CNGB1: variants seen among roughly 807,000 people sequenced by gnomAD.
The protein encoded by CNGB1 is cyclic nucleotide-gated channel beta-1.
A neutral mutation model predicts 151.7 loss-of-function variants in CNGB1; 126 were observed. That is an observed-to-expected ratio of 0.83 (90% CI 0.72 to 0.96). CNGB1 has a LOEUF of 0.96. CNGB1 is among the 40% of genes least tolerant of loss of function. The pLI, the probability that CNGB1 is intolerant of heterozygous loss-of-function variation, is 0.00. For missense variants in CNGB1, 1,698 were observed against 1,627.0 expected, an observed-to-expected ratio of 1.04 and a Z score of -0.75; for synonymous variants, 623 against 635.1, an observed-to-expected ratio of 0.98 and a Z score of 0.29.
intron 7 of CNGB1, among the ~76,000 whole-genome samples, chr16:57,961,578 A>C (rs774898670): frequency 6.6e-6 from 1 of 152,202 alleles, no homozygotes; most frequent in African/African-American, 2.4e-5. Context: ...TCAGCTGCAT[A>C]TGTCTCAGAA....
chr16:57,897,569 G>A (rs748288939), intron 30 of CNGB1, 26 bp from the exon 31 acceptor site: 6 of 1,613,436 alleles, frequency 3.7e-6, no homozygotes, highest in Non-Finnish European at 5.1e-6. Flanking sequence ...GAGGAAGGAG[G>A]CCCTTCAGAG....
chr16:57,937,603 G>A lies in CNGB1; in HGVS notation c.1372+1827C>T, dbSNP rs182961951. Among the ~76,000 whole-genome samples the A allele has an allele frequency of 3.4e-3, 510 of 152,236 alleles. 6 individuals are homozygous for A. Among genetic ancestry groups the A allele is most frequent in the African/African-American group, 0.011 (472 of 41,528 alleles). The stretch of plus-strand genomic sequence containing the variant: ...ATGCTCCCTCCACTTACCAACCACC[G>A]GCAGCATTTCCCAAAAATATTAGAA... On this transcript the variant is annotated intron_variant, in intron 16 of 32. Coordinates refer to ENST00000251102, the MANE Select transcript of CNGB1 (RefSeq NM_001297.5).
At chr16:57,887,435 T>C (rs148484405) in intron 32 of CNGB1, among the ~76,000 whole-genome samples, 36 of 152,206 alleles carry the variant, frequency 2.4e-4, no homozygotes, top group African/African-American at 8.4e-4. Context: ...TTCTGTCCAA[T>C]GACAGTGAGT....
At chr16:57,950,569 T>C (rs1961923249) in intron 12 of CNGB1, 29 bp from the exon 13 acceptor site, 2 of 1,613,412 alleles carry the variant, frequency 1.2e-6, no homozygotes, top group African/African-American at 1.3e-5. Flanking sequence ...GAGCCATTTA[T>C]GGGATGTGCG....
chr16:57,964,712 A>G (rs1962347779), intron 2 of CNGB1, among the ~76,000 whole-genome samples, 168 bp from the exon 3 acceptor site: 1 of 151,640 alleles, frequency 6.6e-6, no homozygotes, highest in Admixed American at 6.6e-5. Context: ...CACCTGGGAT[A>G]CTCCCTTCCT....
At chr16:57,914,132 G>A (rs551647918) in intron 23 of CNGB1, among the ~76,000 whole-genome samples, 23 of 152,352 alleles carry the variant, frequency 1.5e-4, no homozygotes, top group East Asian at 1.9e-4. Context: ...CACTTAAAGA[G>A]TTTTGTCCAC....
intron 10 of CNGB1, among the ~76,000 whole-genome samples, chr16:57,959,365 G>A (rs1363461639): frequency 6.6e-6 from 1 of 151,682 alleles, no homozygotes; most frequent in Non-Finnish European, 1.5e-5. Flanking sequence ...TATAATCCTG[G>A]CACTTTGAGA....
chr16:57,954,843 G>A, intron 12 of CNGB1: 1 of 994,174 alleles, frequency 1.0e-6, no homozygotes, highest in Non-Finnish European at 1.2e-6. Flanking sequence ...CACACTGGGG[G>A]CTGTGCACGC....
chr16:57,884,383 G>A lies in CNGB1; in HGVS notation c.3537C>T (p.Ala1179=). 1 of 1,612,510 alleles carries A rather than the reference G, an allele frequency of 6.2e-7. No individual in the cohort carries two copies. The highest frequency in any genetic ancestry group is 8.5e-7 in the Non-Finnish European group (1 of 1,179,534). The change falls in exon 33 of 33, where the codon GCC becomes GCT. Residue 1179 remains alanine, a synonymous_variant. Coordinates refer to ENST00000251102, the MANE Select transcript of CNGB1 (RefSeq NM_001297.5). ...APDQHTHPKE[A]ATDPPAPRTP... is the part of the protein sequence containing the mutation. ...TCCGGGGCGCGGGTGGGTCGGTGGC[G>A]GCCTCCTTTGGGTGCGTGTGCTGGT...
At chr16:57,888,807 A>G (rs1052886736) in intron 31 of CNGB1, among the ~76,000 whole-genome samples, 3 of 152,050 alleles carry the variant, frequency 2.0e-5, no homozygotes, top group Non-Finnish European at 2.9e-5. Flanking sequence ...ACACTTTCAC[A>G]TAGGGAATTG....
chr16:57,913,026 A>ACCGG (rs2149362771), intron 23 of CNGB1, 32 bp from the exon 24 acceptor site: 1 of 1,609,404 alleles, frequency 6.2e-7, no homozygotes, highest in East Asian at 2.2e-5. Context: ...AGAGCAGCCC[A>ACCGG]CCGGCCATAG....
At chr16:57,917,947 T>C (rs1397972133) in intron 20 of CNGB1, among the ~76,000 whole-genome samples, 1 of 151,978 alleles carries the variant, frequency 6.6e-6, no homozygotes, top group African/African-American at 2.4e-5. Context: ...CTTCTTTAAT[T>C]TTTTCCCAAA....
chr16:57,934,283 C>CA (rs1355361198), intron 16 of CNGB1, among the ~76,000 whole-genome samples: 9 of 151,862 alleles, frequency 5.9e-5, no homozygotes, highest in African/African-American at 2.2e-4. Flanking sequence ...CCCACCTCTA[C>CA]AAAAAAATTC....
At chr16:57,917,679 G>C (rs1348949588) in intron 20 of CNGB1, among the ~76,000 whole-genome samples, 2 of 151,140 alleles carry the variant, frequency 1.3e-5, no homozygotes, top group African/African-American at 4.9e-5. Flanking sequence ...TCTGCTTTAG[G>C]AGCCAGGCAC....
Position 57,922,189 on chromosome 16 carries a change from A to T in CNGB1, c.1643+1084T>A, listed in dbSNP as rs549946381. Among the ~76,000 whole-genome samples, 3 of 152,278 alleles carry T rather than the reference A, an allele frequency of 2.0e-5. No homozygotes were observed. In the South Asian group the frequency reaches 6.2e-4, roughly 32 times the overall value. On this transcript the variant is annotated intron_variant, in intron 18 of 32. Coordinates refer to ENST00000251102, the MANE Select transcript of CNGB1 (RefSeq NM_001297.5). ...ACTGCATAAAATTGTGGATAGAAAA[A>T]AAGACTGGAAGGAAGAAGGAAAGCC... is the stretch of plus-strand genomic sequence containing the variant.
At chr16:57,934,590 G>A (rs1247800505) in intron 16 of CNGB1, among the ~76,000 whole-genome samples, 1 of 152,152 alleles carries the variant, frequency 6.6e-6, no homozygotes, top group Non-Finnish European at 1.5e-5. Flanking sequence ...CAAGTGTGGG[G>A]CTCCCAGAGA....
intron 12 of CNGB1, among the ~76,000 whole-genome samples, chr16:57,952,625 C>T (rs1472629260): frequency 1.3e-5 from 2 of 150,932 alleles, no homozygotes; most frequent in South Asian, 2.1e-4. Context: ...CTCAGCTTCC[C>T]GAGTAGCTGG....
At chr16:57,940,121 G>T in intron 15 of CNGB1, 113 bp downstream of exon 15, 1 of 1,024,692 alleles carries the variant, frequency 9.8e-7, no homozygotes, top group Non-Finnish European at 1.5e-6. Flanking sequence ...CCTCTGTCCT[G>T]CGGGCATCTT....
chr16:57,930,270 G>A, intron 17 of CNGB1, among the ~76,000 whole-genome samples: 1 of 152,120 alleles, frequency 6.6e-6, no homozygotes, highest in East Asian at 1.9e-4. Flanking sequence ...GCTAAGGCAG[G>A]TGGATTGCTC....
Sources: allele counts gnomAD v4.1 joint callset (sites outside exome capture counted in the v4.1 genomes callset), GRCh38; gene constraint gnomAD v4.1.1; transcripts MANE v1.5; gene names NCBI Gene and HGNC (gene_info 2026-07-23, HGNC 2026-07-21).